PPP1R17: variants seen among roughly 807,000 people sequenced by gnomAD.
PPP1R17 encodes the protein protein phosphatase 1 regulatory subunit 17.
A neutral mutation model predicts 15.9 loss-of-function variants in PPP1R17; 12 were observed. That is an observed-to-expected ratio of 0.75 (90% confidence interval 0.48 to 1.22). The LOEUF is 1.22. Ranked by LOEUF, PPP1R17 falls within the 50% of genes most tolerant of loss-of-function variation. PPP1R17 has a pLI of 0.00. For synonymous variants in PPP1R17, 63 were observed against 64.5 expected (o/e 0.98, Z 0.11); for missense variants, 211 against 187.3 (o/e 1.13, Z -0.74).
intron 4 of PPP1R17, 97 bp downstream of exon 4, chr7:31,697,214 C>A: frequency 6.8e-7 from 1 of 1,463,178 alleles, no homozygotes; most frequent in Non-Finnish European, 9.2e-7. Context: ...TTGTCCTGCC[C>A]CAGCAAGCTG....
chr7:31,694,397 C>CACACACACACACACACACACAT (rs1017444345), intron 2 of PPP1R17, among the ~76,000 whole-genome samples: 1 of 151,678 alleles, frequency 6.6e-6, no homozygotes, highest in African/African-American at 2.4e-5. Flanking sequence ...AACACACACA[C>CACACACACACACACACACACAT]ACACACACAC....
intron 1 of PPP1R17, among the ~76,000 whole-genome samples, chr7:31,690,239 G>A (rs994181535): frequency 5.3e-5 from 8 of 152,180 alleles, no homozygotes; most frequent in South Asian, 2.1e-4. Flanking sequence ...AAAATCTAGC[G>A]TGGTAGATAG....
chr7:31,707,268 C>T lies in PPP1R17; in HGVS notation c.453C>T (p.Asp151=). 1 of 1,613,700 alleles carries T rather than the reference C, an allele frequency of 6.2e-7. No homozygotes were observed. Among genetic ancestry groups the T allele is most frequent in the Non-Finnish European group, 8.5e-7 (1 of 1,179,720 alleles). Residue 151 remains aspartate, a synonymous_variant, in exon 5 of 5, where the codon GAC becomes GAT. Transcript: ENST00000342032. ...TGGAAGATGACGAAAAGGATGGTGA[C>T]AAGATAGCTATTTAAAGATAGTTCC... ...AIVEDDEKDG[D]KIAI is the part of the protein sequence containing the mutation.
chr7:31,690,261 T>C (rs1583822741), intron 1 of PPP1R17, among the ~76,000 whole-genome samples: 1 of 152,230 alleles, frequency 6.6e-6, no homozygotes, highest in Admixed American at 6.5e-5. Context: ...CAACATTACA[T>C]AAAAATAGCT....
At chr7:31,694,506 A>G (rs974196860) in intron 2 of PPP1R17, among the ~76,000 whole-genome samples, 1 of 152,186 alleles carries the variant, frequency 6.6e-6, no homozygotes, top group Non-Finnish European at 1.5e-5. Flanking sequence ...CTAGAAAATG[A>G]TAAGAGTCCA....
chr7:31,697,218 C>G, intron 4 of PPP1R17, 101 bp downstream of exon 4: 1 of 1,440,424 alleles, frequency 6.9e-7, no homozygotes, highest in Non-Finnish European at 9.3e-7. Flanking sequence ...CCTGCCCCAG[C>G]AAGCTGCGTT....
chr7:31,698,159 T>A (rs1792681864), intron 4 of PPP1R17, among the ~76,000 whole-genome samples: 1 of 152,194 alleles, frequency 6.6e-6, no homozygotes, highest in Non-Finnish European at 1.5e-5. Flanking sequence ...AAGATAAAAT[T>A]TGGCTGTTGT....
chr7:31,694,349 G>A (rs183304164), intron 2 of PPP1R17, among the ~76,000 whole-genome samples: 1 of 144,718 alleles, frequency 6.9e-6, no homozygotes, highest in Non-Finnish European at 1.5e-5. Context: ...CAGATGCTTT[G>A]CAAACATTAA....
In PPP1R17 at chr7:31,695,466, T is replaced by G; in HGVS notation, c.83-3T>G. ...TTATTTCTTTGTATCCTGTCAAAATTAGATGATCTTTCAGACCAGTTCATT... is the reference window on the plus strand; with the variant it reads ...TTATTTCTTTGTATCCTGTCAAAATGAGATGATCTTTCAGACCAGTTCATT... On this transcript the variant is annotated splice_polypyrimidine_tract_variant and splice_region_variant and intron_variant, in intron 2 of 4. Coordinates refer to ENST00000342032, the MANE Select transcript of PPP1R17 (RefSeq NM_006658.5). The G allele has an allele frequency of 6.3e-7, 1 of 1,593,322 alleles. No individual in the cohort carries two copies. The highest frequency in any genetic ancestry group is 8.5e-7 in the Non-Finnish European group (1 of 1,173,942).
intron 2 of PPP1R17, among the ~76,000 whole-genome samples, chr7:31,694,657 A>G (rs1219690337): frequency 1.3e-5 from 2 of 152,140 alleles, no homozygotes; most frequent in African/African-American, 2.4e-5. Context: ...CAGGTAAACC[A>G]TTATGGAAGA....
intron 4 of PPP1R17, among the ~76,000 whole-genome samples, chr7:31,705,992 T>A (rs1190529595): frequency 1.6e-5 from 1 of 63,398 alleles, no homozygotes; most frequent in Non-Finnish European, 2.7e-5. Flanking sequence ...AGTAATTTTT[T>A]TTTTTTTTTT....
Position 31,697,088 on chromosome 7 carries a change from C to T in PPP1R17, c.359C>T (p.Pro120Leu). Residue 120 changes from proline to leucine, a missense_variant, in exon 4 of 5, where the codon CCT (proline) becomes CTT (leucine). Physicochemically the swap from Pro to Leu is moderately conservative, Grantham distance 98. Coordinates refer to ENST00000342032, the MANE Select transcript of PPP1R17 (RefSeq NM_006658.5). ...EQKKPRRKDT[P>L]ALHMSPFAAG... ...AAAAAGCCAAGGAGAAAAGACACAC[C>T]TGCCCTGCACATGTCCCCCTTTGCA... 1 of 1,614,076 alleles carries T rather than the reference C, an allele frequency of 6.2e-7. No individual in the cohort carries two copies. Among genetic ancestry groups the T allele is most frequent in the Non-Finnish European group, 8.5e-7 (1 of 1,179,984 alleles).
At chr7:31,703,324 G>A (rs1297192790) in intron 4 of PPP1R17, among the ~76,000 whole-genome samples, 1 of 152,178 alleles carries the variant, frequency 6.6e-6, no homozygotes, top group Admixed American at 6.5e-5. Flanking sequence ...CTAACGGGTT[G>A]AGCTCTGTTT....
rs114920911 is a variant in PPP1R17 at position 31,698,552 on chromosome 7, T to C, written c.388+1435T>C. ...ATGCAAGCTTCTGAGATCATGCACA[T>C]GTGCTAAAAGTACAAGGAGTTTAGG... On this transcript the variant is annotated intron_variant, in intron 4 of 4. Transcript: ENST00000342032. Among the ~76,000 whole-genome samples the C allele has an allele frequency of 6.6e-3, 1,004 of 152,330 alleles. 9 individuals are homozygous for C. The highest frequency in any genetic ancestry group is 0.023 in the African/African-American group (956 of 41,566).
chr7:31,695,809 G>T (rs1325075661), intron 3 of PPP1R17, among the ~76,000 whole-genome samples, 188 bp downstream of exon 3: 2 of 146,602 alleles, frequency 1.4e-5, no homozygotes. Flanking sequence ...AATATTAGGG[G>T]CTTAATACAA....
chr7:31,701,262 A>C (rs1031178693), intron 4 of PPP1R17, among the ~76,000 whole-genome samples: 1 of 152,160 alleles, frequency 6.6e-6, no homozygotes, highest in African/African-American at 2.4e-5. Flanking sequence ...GTTGATTCCA[A>C]CCTTTATGAA....
rs1792177893 is a variant in PPP1R17, at chr7:31,687,992, T to C, written c.-37+686T>C. ...TTTAGAAATGGGTTGGTTTTTGTCT[T>C]GAACTATTCTCATCTCATTACCAGC... On this transcript the variant is annotated intron_variant, in intron 1 of 4. Coordinates refer to ENST00000342032, the MANE Select transcript of PPP1R17 (RefSeq NM_006658.5). Among the ~76,000 whole-genome samples the C allele has an allele frequency of 2.6e-5, 4 of 152,358 alleles. 1 individual carries two copies. The South Asian group carries it at 8.3e-4, about 32-fold the overall frequency.
At chr7:31,703,442 G>A (rs1444668501) in intron 4 of PPP1R17, among the ~76,000 whole-genome samples, 1 of 152,210 alleles carries the variant, frequency 6.6e-6, no homozygotes, top group Non-Finnish European at 1.5e-5. Flanking sequence ...AAGAGTTGGG[G>A]TGGGAAGGGG....
At chr7:31,699,638 G>A (rs1792756501) in intron 4 of PPP1R17, among the ~76,000 whole-genome samples, 1 of 151,606 alleles carries the variant, frequency 6.6e-6, no homozygotes, top group South Asian at 2.1e-4. Flanking sequence ...TCAGATATTG[G>A]TGGTTTTTTT....
Sources: gnomAD v4.1 joint callset for allele counts (sites outside exome capture counted in the v4.1 genomes callset) on GRCh38, gnomAD v4.1.1 for gene constraint, MANE v1.5 for transcripts, NCBI Gene and HGNC (gene_info 2026-07-23, HGNC 2026-07-21) for gene names.